Variants in NXPH1 observed in about 807,000 individuals in gnomAD.
The protein encoded by NXPH1 is neurexophilin 1.
In NXPH1, 5 loss-of-function variants were observed where a neutral mutation model predicts 23.7. That is an observed-to-expected ratio of 0.21 (90% CI 0.11 to 0.44). The LOEUF is 0.44. NXPH1 is among the 20% of genes least tolerant of loss of function. The pLI is 0.99. For synonymous variants in NXPH1, 144 were observed against 122.2 expected, an observed-to-expected ratio of 1.18 and a Z score of -1.18; for missense variants, 324 against 321.6, an observed-to-expected ratio of 1.01 and a Z score of -0.06.
At chr7:8,665,103 A>T (rs10236316) in intron 2 of NXPH1, among the ~76,000 whole-genome samples, 9,690 of 152,032 alleles carry the variant, frequency 0.064, 683 homozygotes, top group East Asian at 0.25. Context: ...GCCAAGACCA[A>T]TGTTTTGGAG....
chr7:8,662,634 C>G (rs1583219664), intron 2 of NXPH1, among the ~76,000 whole-genome samples: 1 of 151,840 alleles, frequency 6.6e-6, no homozygotes, highest in Non-Finnish European at 1.5e-5. Flanking sequence ...TATTGCATTA[C>G]CTTTATGCAA....
chr7:8,675,384 CCTT>C (rs1417598112), intron 2 of NXPH1, among the ~76,000 whole-genome samples: 12 of 152,056 alleles, frequency 7.9e-5, no homozygotes, highest in Non-Finnish European at 1.6e-4. Flanking sequence ...TTATCAGCCT[CCTT>C]CTATTAATAT....
intron 2 of NXPH1, among the ~76,000 whole-genome samples, chr7:8,690,916 G>A (rs996609527): frequency 2.0e-5 from 3 of 152,100 alleles, no homozygotes; most frequent in Non-Finnish European, 4.4e-5. Context: ...ATAGGATCTT[G>A]CACTGCTCCT....
chr7:8,655,897 C>T (rs146883081), intron 2 of NXPH1, among the ~76,000 whole-genome samples: 14 of 152,306 alleles, frequency 9.2e-5, no homozygotes, highest in African/African-American at 2.6e-4. Context: ...TTAACCCTTA[C>T]TCCACTGTGT....
chr7:8,599,217 A>G (rs751610278), intron 2 of NXPH1, among the ~76,000 whole-genome samples: 3 of 152,096 alleles, frequency 2.0e-5, no homozygotes, highest in Non-Finnish European at 4.4e-5. Flanking sequence ...ATTTGAGCTG[A>G]GCCTTAGGAG....
intron 2 of NXPH1, among the ~76,000 whole-genome samples, chr7:8,559,131 A>G (rs563153297): frequency 2.6e-5 from 4 of 151,432 alleles, no homozygotes; most frequent in African/African-American, 9.7e-5. Context: ...CTGATTTTTA[A>G]AAATTTTTTA....
intron 2 of NXPH1, among the ~76,000 whole-genome samples, chr7:8,626,190 T>G (rs559822858): frequency 2.0e-5 from 3 of 149,172 alleles, no homozygotes; most frequent in African/African-American, 7.3e-5. Context: ...AAGTCAATTC[T>G]GAAAAAAAAA....
At position 8,472,303 on chromosome 7, in the gene NXPH1, T is replaced by C. The variant is rs139921640; in HGVS notation, c.54+36536T>C. 2.8e-3 allele frequency among the ~76,000 whole-genome samples: 430 copies of C among 152,292 alleles called. 2 individuals are homozygous for C. The highest frequency in any genetic ancestry group is 9.8e-3 in the African/African-American group (409 of 41,576). ...ATAAGAGACTGCAATAAATGATCTCTAAGGCCCTTCTAAAATTCTGTGATT... is the reference window on the plus strand; with the variant it reads ...ATAAGAGACTGCAATAAATGATCTCCAAGGCCCTTCTAAAATTCTGTGATT... On this transcript the variant is annotated intron_variant, in intron 2 of 2. Transcript: ENST00000405863.
At chr7:8,731,997 C>T (rs570296848) in intron 2 of NXPH1, among the ~76,000 whole-genome samples, 7 of 152,318 alleles carry the variant, frequency 4.6e-5, no homozygotes, top group African/African-American at 1.2e-4. Flanking sequence ...AGCAAGACTC[C>T]GCGGGCATAG....
At chr7:8,733,469 A>G (rs1430433404) in intron 2 of NXPH1, among the ~76,000 whole-genome samples, 7 of 152,188 alleles carry the variant, frequency 4.6e-5, no homozygotes, top group African/African-American at 1.7e-4. Context: ...GTCTTCCTCA[A>G]TGGTTGAGCT....
intron 2 of NXPH1, among the ~76,000 whole-genome samples, chr7:8,522,859 G>C (rs1817795646): frequency 6.6e-6 from 1 of 152,176 alleles, no homozygotes; most frequent in Non-Finnish European, 1.5e-5. Flanking sequence ...TGCAGGCTCT[G>C]TAGAGTCTAC....
In NXPH1 at chr7:8,751,350, C is replaced by A. The variant is rs771979853; in HGVS notation, c.397C>A (p.Leu133Met). ...TCATTCCAACATCAAAACAGTGAAGCTGAACCTGTTGATAACTGGGAAAAT... is the reference window on the plus strand; with the variant it reads ...TCATTCCAACATCAAAACAGTGAAGATGAACCTGTTGATAACTGGGAAAAT... ...DFHSNIKTVKLNLLITGKIVD... is the reference protein window; with the variant it reads ...DFHSNIKTVKMNLLITGKIVD... Residue 133 changes from leucine to methionine, a missense_variant, in exon 3 of 3, where the codon CTG becomes ATG. Physicochemically the swap from Leu to Met is conservative, Grantham distance 15 (BLOSUM62 2). Coordinates refer to ENST00000405863, the MANE Select transcript of NXPH1 (RefSeq NM_152745.3). This position sits in a 1 kb window ranked among gnomAD's most constrained non-coding sequence, Gnocchi z 4.5. 1.9e-5 allele frequency: 30 copies of A among 1,613,754 alleles called. No individual in the cohort carries two copies. Among genetic ancestry groups the A allele is most frequent in the Non-Finnish European group, 2.5e-5 (29 of 1,179,854 alleles).
At chr7:8,478,900 G>A (rs1464604980) in intron 2 of NXPH1, among the ~76,000 whole-genome samples, 3 of 152,028 alleles carry the variant, frequency 2.0e-5, no homozygotes, top group African/African-American at 7.2e-5. Flanking sequence ...TAGAAAAACT[G>A]ACTTACAAGT....
At chr7:8,536,561 C>T (rs1348867329) in intron 2 of NXPH1, among the ~76,000 whole-genome samples, 2 of 151,710 alleles carry the variant, frequency 1.3e-5, no homozygotes, top group Admixed American at 1.3e-4. Context: ...GCTTAATAAG[C>T]TCAGCTATAA....
intron 2 of NXPH1, among the ~76,000 whole-genome samples, chr7:8,693,163 C>T (rs1821247920): frequency 1.3e-5 from 2 of 152,064 alleles, no homozygotes; most frequent in South Asian, 4.1e-4. Context: ...AACCAAGAAA[C>T]AACCCCCGCC....
intron 2 of NXPH1, among the ~76,000 whole-genome samples, chr7:8,540,744 G>C (rs1322829934): frequency 6.6e-6 from 1 of 151,668 alleles, no homozygotes; most frequent in Non-Finnish European, 1.5e-5. Context: ...AAAATGTTAG[G>C]GGTAACAGTG....
chr7:8,617,945 A>C (rs1819781145), intron 2 of NXPH1, among the ~76,000 whole-genome samples: 1 of 152,092 alleles, frequency 6.6e-6, no homozygotes, highest in Non-Finnish European at 1.5e-5. Flanking sequence ...CGACAATTAA[A>C]GTTTTTAAAA....
intron 2 of NXPH1, among the ~76,000 whole-genome samples, chr7:8,494,610 C>T (rs1817305665): frequency 6.6e-6 from 1 of 151,986 alleles, no homozygotes; most frequent in South Asian, 2.1e-4. Context: ...CATATTTTTC[C>T]CTACCTCCAA....
chr7:8,684,945 A>C (rs1821122289), intron 2 of NXPH1, among the ~76,000 whole-genome samples: 1 of 152,152 alleles, frequency 6.6e-6, no homozygotes, highest in African/African-American at 2.4e-5. Context: ...TAAAAGGCTC[A>C]AATTCGCCAT....
Sources: gnomAD v4.1 joint callset for allele counts (sites outside exome capture counted in the v4.1 genomes callset) on GRCh38, gnomAD v4.1.1 for gene constraint, Gnocchi (gnomAD v3.1) non-coding constraint, MANE v1.5 for transcripts, NCBI Gene and HGNC (gene_info 2026-07-23, HGNC 2026-07-21) for gene names.